AGBL1: variants seen among roughly 807,000 people sequenced by gnomAD.
AGBL1 encodes the protein cytosolic carboxypeptidase 4.
Under a neutral mutation model 118.9 loss-of-function variants are expected in AGBL1, and 130 were observed. The ratio of observed to expected loss-of-function variants is 1.09; its 90% CI spans 0.95 to 1.26. AGBL1 has a LOEUF of 1.26. Ranked by LOEUF, AGBL1 falls within the 50% of genes most tolerant of loss-of-function variation. The probability of loss-of-function intolerance (pLI) is 0.00; values close to 1 mark genes in which losing one functional copy is unlikely to be tolerated. For missense variants in AGBL1, 1,584 were observed against 1,298.1 expected (o/e 1.22, Z -3.38); for synonymous variants, 555 against 478.9 (o/e 1.16, Z -2.08).
chr15:86,566,897 C>T (rs2083925486), intron 21 of AGBL1, among the ~76,000 whole-genome samples: 1 of 152,294 alleles, frequency 6.6e-6, no homozygotes, highest in Admixed American at 6.5e-5. Context: ...CTCTACATTT[C>T]ACAGTTGTGA....
At chr15:86,885,751 G>A (rs2079960557) in intron 22 of AGBL1, among the ~76,000 whole-genome samples, 1 of 152,156 alleles carries the variant, frequency 6.6e-6, no homozygotes, top group African/African-American at 2.4e-5. Context: ...GTCAATGGTA[G>A]GTGGTAGCAT....
At chr15:86,260,080 A>C (rs1002184985) in intron 9 of AGBL1, among the ~76,000 whole-genome samples, 8 of 152,260 alleles carry the variant, frequency 5.3e-5, no homozygotes, top group Admixed American at 5.2e-4. Flanking sequence ...GAAGATGAGA[A>C]GTCAGTGTGA....
chr15:86,825,083 AAAAC>A (rs1391479761), intron 22 of AGBL1, among the ~76,000 whole-genome samples: 1 of 152,004 alleles, frequency 6.6e-6, no homozygotes, highest in Non-Finnish European at 1.5e-5. Flanking sequence ...AACAAAACAA[AAAAC>A]AAACAGAAAA....
At chr15:86,771,637 G>A (rs2078183366) in intron 22 of AGBL1, among the ~76,000 whole-genome samples, 1 of 151,950 alleles carries the variant, frequency 6.6e-6, no homozygotes, top group Non-Finnish European at 1.5e-5. Context: ...CTGGTAACAT[G>A]TTCGGTAAAT....
chr15:86,218,024 G>T (rs547774604), intron 5 of AGBL1, among the ~76,000 whole-genome samples: 1 of 152,154 alleles, frequency 6.6e-6, no homozygotes, highest in Non-Finnish European at 1.5e-5. Context: ...ATATTTGGGT[G>T]ATTTTAATTT....
intron 17 of AGBL1, among the ~76,000 whole-genome samples, chr15:86,391,605 C>T (rs1430967360): frequency 6.6e-6 from 1 of 150,764 alleles, no homozygotes; most frequent in Non-Finnish European, 1.5e-5. Context: ...CCAAGAAGCC[C>T]CGTCTGATCA....
chr15:86,177,603 G>A (rs961850278), intron 5 of AGBL1, among the ~76,000 whole-genome samples: 1 of 152,102 alleles, frequency 6.6e-6, no homozygotes, highest in South Asian at 2.1e-4. Context: ...TATGTTCTAT[G>A]ACCACAAGGA....
At chr15:86,718,592 A>T (rs1170667650) in intron 22 of AGBL1, among the ~76,000 whole-genome samples, 2 of 152,132 alleles carry the variant, frequency 1.3e-5, no homozygotes. Flanking sequence ...CAGCTTAACA[A>T]AGCGGCAGTC....
At chr15:87,020,061 G>GA (rs35477628) in intron 24 of AGBL1, among the ~76,000 whole-genome samples, 3 of 151,446 alleles carry the variant, frequency 2.0e-5, no homozygotes, top group Non-Finnish European at 4.4e-5. Flanking sequence ...ACTGAACCAG[G>GA]AAAAAAATTG....
At chr15:86,778,474 C>G (rs542012441) in intron 22 of AGBL1, among the ~76,000 whole-genome samples, 10 of 152,226 alleles carry the variant, frequency 6.6e-5, no homozygotes, top group Non-Finnish European at 1.2e-4. Context: ...ACGGCCACCC[C>G]CCGAAGCGGC....
chr15:86,085,160 A>C (rs1319995620), intron 1 of AGBL1, among the ~76,000 whole-genome samples: 1 of 152,182 alleles, frequency 6.6e-6, no homozygotes, highest in Non-Finnish European at 1.5e-5. Context: ...TAAACATCAA[A>C]AGAAAATTTT....
intron 21 of AGBL1, among the ~76,000 whole-genome samples, chr15:86,555,844 T>G (rs1456557587): frequency 6.6e-6 from 1 of 152,196 alleles, no homozygotes; most frequent in Non-Finnish European, 1.5e-5. Flanking sequence ...TATGTGAATA[T>G]ACTTGGAGGT....
intron 18 of AGBL1, among the ~76,000 whole-genome samples, chr15:86,473,103 A>T (rs1451302670): frequency 6.6e-6 from 1 of 152,314 alleles, no homozygotes; most frequent in East Asian, 1.9e-4. Flanking sequence ...TAATGCCTTT[A>T]TAAGTCCTTT....
intron 5 of AGBL1, among the ~76,000 whole-genome samples, chr15:86,171,649 G>C (rs1308306034): frequency 2.0e-5 from 3 of 151,730 alleles, no homozygotes; most frequent in Non-Finnish European, 2.9e-5. Context: ...CATAACTCCT[G>C]AGTGGAGTTC....
At chr15:86,821,838 T>C (rs1047925483) in intron 22 of AGBL1, among the ~76,000 whole-genome samples, 3 of 152,184 alleles carry the variant, frequency 2.0e-5, no homozygotes, top group Non-Finnish European at 4.4e-5. Flanking sequence ...GCTTCACTTA[T>C]CTCTGGAACC....
At chr15:86,082,779 A>G (rs929576349) in intron 1 of AGBL1, among the ~76,000 whole-genome samples, 12 of 152,290 alleles carry the variant, frequency 7.9e-5, no homozygotes, top group African/African-American at 2.6e-4. Flanking sequence ...ACATGTTCCA[A>G]CTTCCTGGCC....
At chr15:86,411,311 G>A (rs1374965347) in intron 18 of AGBL1, among the ~76,000 whole-genome samples, 1 of 151,982 alleles carries the variant, frequency 6.6e-6, no homozygotes, top group African/African-American at 2.4e-5. Context: ...GATCACAGAA[G>A]CCCAGTTTCC....
intron 22 of AGBL1, among the ~76,000 whole-genome samples, chr15:86,820,249 A>C (rs2078920610): frequency 6.6e-6 from 1 of 152,214 alleles, no homozygotes. Context: ...CTTCATGACT[A>C]AAACACCAAA....
chr15:86,460,570 C>T (rs954121800), intron 18 of AGBL1, among the ~76,000 whole-genome samples: 3 of 152,070 alleles, frequency 2.0e-5, no homozygotes, highest in African/African-American at 7.2e-5. Flanking sequence ...TACAGCTTCC[C>T]AGGTTCCCAG....
Sources: allele counts gnomAD v4.1 joint callset (sites outside exome capture counted in the v4.1 genomes callset), GRCh38; gene constraint gnomAD v4.1.1; transcripts MANE v1.5; gene names NCBI Gene and HGNC (gene_info 2026-07-23, HGNC 2026-07-21).